DNER: variants seen among roughly 807,000 people sequenced by gnomAD.
DNER encodes the protein delta and Notch-like epidermal growth factor-related receptor.
A neutral mutation model predicts 78.2 loss-of-function variants in DNER; 33 were observed. The observed-to-expected ratio is 0.42, with a 90% CI of 0.32 to 0.56. DNER has a LOEUF of 0.56. Among genes scored for constraint, DNER ranks in the 20% least tolerant of loss-of-function variants. The pLI is 0.11. For synonymous variants in DNER, 417 were observed against 384.8 expected (o/e 1.08, Z -0.98); for missense variants, 918 against 975.3 (o/e 0.94, Z 0.78).
At chr2:229,510,843 A>G (rs1167691652) in intron 6 of DNER, among the ~76,000 whole-genome samples, 2 of 152,194 alleles carry the variant, frequency 1.3e-5, no homozygotes, top group Non-Finnish European at 2.9e-5. Context: ...ACTCCATATA[A>G]ACTGACTTGG....
At chr2:229,663,585 T>C (rs1699043004) in intron 1 of DNER, among the ~76,000 whole-genome samples, 1 of 152,220 alleles carries the variant, frequency 6.6e-6, no homozygotes, top group Non-Finnish European at 1.5e-5. Context: ...TCATGTAAAA[T>C]TTTTAAAGTA....
intron 5 of DNER, among the ~76,000 whole-genome samples, chr2:229,538,691 T>C (rs958801045): frequency 2.0e-5 from 3 of 152,078 alleles, no homozygotes; most frequent in African/African-American, 7.2e-5. Context: ...CACATAGGTA[T>C]CATTTTTTGT....
chr2:229,646,885 G>A (rs1009022967), intron 1 of DNER, among the ~76,000 whole-genome samples: 1 of 152,162 alleles, frequency 6.6e-6, no homozygotes, highest in African/African-American at 2.4e-5. Context: ...ATAAAACAGA[G>A]TGGCCAGGCA....
In DNER at chr2:229,546,643, G is replaced by A. The variant is rs1056588449; in HGVS notation, c.993+304C>T. Among the ~76,000 whole-genome samples, 10 of 152,294 alleles carry A rather than the reference G, an allele frequency of 6.6e-5. No homozygotes were observed. In the South Asian group the frequency reaches 1.7e-3, roughly 25 times the overall value. ...CCCAGCTACTCAGGAGGCTGAAACA[G>A]GAGAATCACTTGAACCCAGGAGCCA... On this transcript the variant is annotated intron_variant, in intron 5 of 12. Coordinates refer to ENST00000341772, the MANE Select transcript of DNER (RefSeq NM_139072.4).
intron 8 of DNER, among the ~76,000 whole-genome samples, chr2:229,435,135 G>C (rs1303734778): frequency 2.0e-5 from 3 of 152,186 alleles, no homozygotes; most frequent in Non-Finnish European, 2.9e-5. Context: ...AGAAGAAGCA[G>C]CTTTAAAGAG....
intron 1 of DNER, among the ~76,000 whole-genome samples, chr2:229,649,797 G>A (rs1574943127): frequency 1.3e-5 from 2 of 152,122 alleles, no homozygotes; most frequent in South Asian, 2.1e-4. Flanking sequence ...TGGCATCCCC[G>A]GGTGCGGTGG....
intron 11 of DNER, among the ~76,000 whole-genome samples, chr2:229,373,334 C>T (rs886724158): frequency 6.6e-6 from 1 of 152,088 alleles, no homozygotes; most frequent in Non-Finnish European, 1.5e-5. Context: ...GGCCAACAAA[C>T]ATGAAAAAAT....
intron 4 of DNER, among the ~76,000 whole-genome samples, chr2:229,563,351 C>T (rs1697002977): frequency 6.7e-6 from 1 of 149,918 alleles, no homozygotes; most frequent in East Asian, 2.0e-4. Context: ...TCATCATCCT[C>T]CTTACCCCAT....
chr2:229,366,344 G>A (rs1417902913), intron 12 of DNER, among the ~76,000 whole-genome samples: 1 of 152,080 alleles, frequency 6.6e-6, no homozygotes, highest in African/African-American at 2.4e-5. Flanking sequence ...AAGACTCAAA[G>A]CTATACCTCA....
chr2:229,700,540 C>T (rs1699730064), intron 1 of DNER, among the ~76,000 whole-genome samples: 1 of 151,798 alleles, frequency 6.6e-6, no homozygotes, highest in Non-Finnish European at 1.5e-5. Context: ...AAATAATGTG[C>T]TTTAGTAAGG....
chr2:229,402,149 A>C (rs1693281652), intron 10 of DNER, among the ~76,000 whole-genome samples: 1 of 152,168 alleles, frequency 6.6e-6, no homozygotes, highest in African/African-American at 2.4e-5. Flanking sequence ...TAAAAGAAAA[A>C]AAATTGATAA....
intron 5 of DNER, among the ~76,000 whole-genome samples, chr2:229,544,162 C>T (rs902135347): frequency 2.0e-5 from 3 of 152,196 alleles, no homozygotes; most frequent in Non-Finnish European, 4.4e-5. Flanking sequence ...TAGAAGAACA[C>T]TGAGTGTCCT....
intron 5 of DNER, among the ~76,000 whole-genome samples, chr2:229,532,035 G>A (rs1046930083): frequency 6.6e-5 from 10 of 152,160 alleles, no homozygotes; most frequent in Non-Finnish European, 1.5e-4. Flanking sequence ...ATGAATATGA[G>A]GCTTTATTTT....
chr2:229,636,164 C>T (rs1231271701), intron 1 of DNER, among the ~76,000 whole-genome samples: 1 of 152,164 alleles, frequency 6.6e-6, no homozygotes, highest in Non-Finnish European at 1.5e-5. Context: ...ATATCGTACT[C>T]AGCGTTTTCC....
At chr2:229,388,944 G>C (rs1692959818) in intron 10 of DNER, among the ~76,000 whole-genome samples, 1 of 151,890 alleles carries the variant, frequency 6.6e-6, no homozygotes. Context: ...ATAGTTCTAG[G>C]ACATAGCTGT....
intron 11 of DNER, among the ~76,000 whole-genome samples, chr2:229,375,896 G>A (rs1005756257): frequency 1.3e-5 from 2 of 152,144 alleles, no homozygotes; most frequent in Admixed American, 6.5e-5. Context: ...TGTCAAGGGA[G>A]AGACAGGTGG....
intron 1 of DNER, among the ~76,000 whole-genome samples, chr2:229,636,663 AC>A (rs1199280855): frequency 6.6e-6 from 1 of 152,232 alleles, no homozygotes; most frequent in African/African-American, 2.4e-5. Flanking sequence ...TTGCATCAGT[AC>A]AGCTAACAAG....
chr2:229,555,768 G>A (rs1696843866), intron 4 of DNER, among the ~76,000 whole-genome samples: 2 of 149,412 alleles, frequency 1.3e-5, no homozygotes, highest in South Asian at 2.1e-4. Flanking sequence ...TCATTTGGAT[G>A]TACAAATTCC....
At chr2:229,451,358 G>A (rs61025829) in intron 7 of DNER, among the ~76,000 whole-genome samples, 48,630 of 152,020 alleles carry the variant, frequency 0.32, 7,925 homozygotes, top group African/African-American at 0.36. Context: ...TGGGGAGGCT[G>A]AGGCAGGAGA....
Sources: gnomAD v4.1 joint callset for allele counts (sites outside exome capture counted in the v4.1 genomes callset) on GRCh38, gnomAD v4.1.1 for gene constraint, MANE v1.5 for transcripts, NCBI Gene and HGNC (gene_info 2026-07-23, HGNC 2026-07-21) for gene names.